RAPGEF2: variants seen among roughly 807,000 people sequenced by gnomAD.
RAPGEF2 encodes the protein Rap guanine nucleotide exchange factor 2.
RAPGEF2 carries 54 observed loss-of-function variants against 186.7 expected under a neutral mutation model. The observed-to-expected ratio is 0.29, with a 90% CI of 0.23 to 0.36. RAPGEF2 has a LOEUF of 0.36. RAPGEF2 is among the 10% of genes least tolerant of loss of function. The probability of loss-of-function intolerance (pLI) is 1.00; values close to 1 mark genes in which losing one functional copy is unlikely to be tolerated. For missense variants in RAPGEF2, 1,532 were observed against 2,045.0 expected (o/e 0.75, Z 4.84); for synonymous variants, 712 against 705.9 (o/e 1.01, Z -0.14).
intron 7 of RAPGEF2, among the ~76,000 whole-genome samples, chr4:159,281,544 G>T (rs1205851621): frequency 6.6e-6 from 1 of 151,488 alleles, no homozygotes; most frequent in African/African-American, 2.4e-5. Flanking sequence ...GGTGGTGGGT[G>T]CCTGTAACCC....
chr4:159,259,096 T>TTAAG (rs1278550630), intron 7 of RAPGEF2, among the ~76,000 whole-genome samples: 1 of 152,156 alleles, frequency 6.6e-6, no homozygotes, highest in African/African-American at 2.4e-5. Flanking sequence ...GCCAAAGAGG[T>TTAAG]TAAGTAACAT....
At chr4:159,171,497 T>C (rs1413011122) in intron 1 of RAPGEF2, among the ~76,000 whole-genome samples, 1 of 152,106 alleles carries the variant, frequency 6.6e-6, no homozygotes, top group Non-Finnish European at 1.5e-5. Context: ...CTCAAGTGAC[T>C]CATCTGCCTA....
intron 4 of RAPGEF2, among the ~76,000 whole-genome samples, chr4:159,238,019 TAA>T (rs111836930): frequency 6.9e-6 from 1 of 145,228 alleles, no homozygotes. Flanking sequence ...CCTTGTCTCT[TAA>T]AAAAAAAAAA....
chr4:159,130,694 G>A (rs959945288), intron 1 of RAPGEF2, among the ~76,000 whole-genome samples: 6 of 152,150 alleles, frequency 3.9e-5, no homozygotes, highest in African/African-American at 1.4e-4. Flanking sequence ...CTAAATAAAA[G>A]TTATCTATTA....
intron 7 of RAPGEF2, among the ~76,000 whole-genome samples, chr4:159,288,345 C>G (rs959305094): frequency 1.4e-4 from 21 of 152,150 alleles, no homozygotes; most frequent in Non-Finnish European, 2.9e-5. Context: ...ACCTAATCAC[C>G]TTTATGGTGC....
chr4:159,109,845 C>T (rs772912843), intron 1 of RAPGEF2, among the ~76,000 whole-genome samples: 41 of 152,288 alleles, frequency 2.7e-4, no homozygotes, highest in Middle Eastern at 3.4e-3. Flanking sequence ...GCTCTTTGTT[C>T]AGTGTGCTGG....
intron 7 of RAPGEF2, among the ~76,000 whole-genome samples, chr4:159,253,751 G>C (rs1202860342): frequency 6.6e-6 from 1 of 151,940 alleles, no homozygotes; most frequent in African/African-American, 2.4e-5. Flanking sequence ...GGCGGATCAC[G>C]AGGTCAGGAG....
intron 1 of RAPGEF2, among the ~76,000 whole-genome samples, chr4:159,142,764 A>G (rs140865989): frequency 6.6e-6 from 1 of 152,208 alleles, no homozygotes; most frequent in Non-Finnish European, 1.5e-5. Context: ...ACAAATATTT[A>G]TTGGATAGTT....
intron 3 of RAPGEF2, among the ~76,000 whole-genome samples, chr4:159,194,177 C>A (rs1337468469): frequency 6.6e-6 from 1 of 152,154 alleles, no homozygotes; most frequent in Middle Eastern, 3.2e-3. Flanking sequence ...ACAGTATGTG[C>A]TGGGACGCAG....
At position 159,333,042 on chromosome 4, in the gene RAPGEF2, C is replaced by T. The variant is rs138660756; in HGVS notation, c.2135+345C>T. ...TTGCCCAGGCTGGAGTGCAGTGGCGCGATCTCGGCTCACTGCAACCTGTGC... is the reference window on the plus strand; with the variant it reads ...TTGCCCAGGCTGGAGTGCAGTGGCGTGATCTCGGCTCACTGCAACCTGTGC... On this transcript the variant is annotated intron_variant, in intron 17 of 29. Transcript: ENST00000691494. Among the ~76,000 whole-genome samples, 439 of 152,032 alleles carry T rather than the reference C, an allele frequency of 2.9e-3. 3 individuals are homozygous for T. Among genetic ancestry groups the T allele is most frequent in the African/African-American group, 9.5e-3 (395 of 41,482 alleles).
intron 1 of RAPGEF2, among the ~76,000 whole-genome samples, chr4:159,115,708 A>C (rs943755985): frequency 2.0e-5 from 3 of 152,226 alleles, no homozygotes; most frequent in Admixed American, 1.3e-4. Flanking sequence ...CAGTAACCAA[A>C]ACAGCATGGT....
At chr4:159,104,824 G>T (rs1737700478) in intron 1 of RAPGEF2, among the ~76,000 whole-genome samples, 1 of 152,122 alleles carries the variant, frequency 6.6e-6, no homozygotes, top group South Asian at 2.1e-4. Context: ...GTGTTTGTAT[G>T]TTTACTGTTT....
intron 1 of RAPGEF2, among the ~76,000 whole-genome samples, chr4:159,158,318 G>A (rs1744341270): frequency 6.6e-6 from 1 of 152,164 alleles, no homozygotes. Flanking sequence ...AGGTGTAAAT[G>A]TAGATTGTAG....
At chr4:159,291,882 T>C (rs1411828969) in intron 7 of RAPGEF2, among the ~76,000 whole-genome samples, 1 of 152,136 alleles carries the variant, frequency 6.6e-6, no homozygotes. Flanking sequence ...TTTTCTTATC[T>C]CAAAAGTAAT....
chr4:159,344,046 TGGC>T lies in RAPGEF2; in HGVS notation c.3268_3270del (p.Arg1090del). 1 of 1,535,374 alleles carries T rather than the reference TGGC, an allele frequency of 6.5e-7. No homozygotes were observed. The highest frequency in any genetic ancestry group is 9.0e-7 in the Non-Finnish European group (1 of 1,108,466). ...GGCTCTCACTTACAGGAAGAAGAAA[TGGC>T]GGAGTTTGGGGTAAGTGGTGGAGAC... is the stretch of plus-strand genomic sequence containing the variant. On this transcript the variant is annotated inframe_deletion, in exon 23 of 30. Transcript: ENST00000691494.
intron 1 of RAPGEF2, among the ~76,000 whole-genome samples, chr4:159,106,692 A>G (rs1018460979): frequency 2.0e-5 from 3 of 152,228 alleles, no homozygotes; most frequent in Non-Finnish European, 2.9e-5. Flanking sequence ...ATTGGGGAAC[A>G]TATGTAATTT....
chr4:159,343,946 C>T (rs1729908359), intron 22 of RAPGEF2, 90 bp from the exon 23 acceptor site: 2 of 1,350,074 alleles, frequency 1.5e-6, no homozygotes, highest in East Asian at 4.6e-5. Context: ...AACTGCTTAT[C>T]CAGAAGTCTA....
intron 7 of RAPGEF2, among the ~76,000 whole-genome samples, chr4:159,277,684 G>A (rs1248430613): frequency 1.3e-5 from 2 of 152,188 alleles, no homozygotes; most frequent in Non-Finnish European, 2.9e-5. Context: ...CAGTGATGGT[G>A]AGCATTTTTT....
chr4:159,140,724 G>C (rs1359930807), intron 1 of RAPGEF2, among the ~76,000 whole-genome samples: 3 of 151,966 alleles, frequency 2.0e-5, no homozygotes, highest in Non-Finnish European at 4.4e-5. Flanking sequence ...GATAGGGCCT[G>C]GGAGGACAGA....
Sources: gnomAD v4.1 joint callset for allele counts (sites outside exome capture counted in the v4.1 genomes callset) on GRCh38, gnomAD v4.1.1 for gene constraint, MANE v1.5 for transcripts, NCBI Gene and HGNC (gene_info 2026-07-23, HGNC 2026-07-21) for gene names.